The following PRKG1 variants were observed in gnomAD, a reference collection of about 807,000 sequenced individuals.
PRKG1 encodes protein kinase cGMP-dependent 1, also known as cGMP-dependent protein kinase 1.
A neutral mutation model predicts 88.1 loss-of-function variants in PRKG1; 35 were observed. That is an observed-to-expected ratio of 0.40 (90% CI 0.30 to 0.53). The LOEUF is 0.53. Ranked by LOEUF, PRKG1 falls within the 20% of genes least tolerant of loss-of-function variation. The probability of loss-of-function intolerance (pLI) is 0.59; values close to 1 mark genes in which losing one functional copy is unlikely to be tolerated. For missense variants in PRKG1, 540 were observed against 839.8 expected (o/e 0.64, Z 4.41); for synonymous variants, 303 against 292.5 (o/e 1.04, Z -0.37).
intron 4 of PRKG1, among the ~76,000 whole-genome samples, chr10:51,905,447 G>T (rs1270787324): frequency 6.6e-6 from 1 of 152,100 alleles, no homozygotes; most frequent in East Asian, 1.9e-4. Context: ...CCAAAATTAT[G>T]CTGTAAGTCA....
chr10:51,139,981 G>T (rs10995837), intron 1 of PRKG1, among the ~76,000 whole-genome samples: 33 of 152,138 alleles, frequency 2.2e-4, no homozygotes, highest in African/African-American at 7.9e-4. Context: ...CTTATGTCTC[G>T]AAATTGACCT....
intron 3 of PRKG1, among the ~76,000 whole-genome samples, chr10:51,661,972 C>T (rs1346427196): frequency 6.6e-6 from 1 of 152,088 alleles, no homozygotes; most frequent in African/African-American, 2.4e-5. Context: ...CAAACTATTG[C>T]AATGACAGAA....
chr10:51,863,740 C>G (rs1055296909), intron 4 of PRKG1, among the ~76,000 whole-genome samples: 1 of 152,134 alleles, frequency 6.6e-6, no homozygotes, highest in Non-Finnish European at 1.5e-5. Context: ...TCTCAACCTC[C>G]AGAATTGTAA....
At chr10:51,521,124 TA>T (rs1356393736) in intron 3 of PRKG1, among the ~76,000 whole-genome samples, 1 of 152,104 alleles carries the variant, frequency 6.6e-6, no homozygotes, top group Non-Finnish European at 1.5e-5. Context: ...CTGTCTCTAC[TA>T]AAAATACAAA....
intron 1 of PRKG1, among the ~76,000 whole-genome samples, chr10:50,997,192 C>T (rs1474482957): frequency 6.6e-6 from 1 of 152,082 alleles, no homozygotes; most frequent in Non-Finnish European, 1.5e-5. Context: ...TATTTTGCAT[C>T]GGTACCAGAG....
chr10:51,884,881 C>T (rs1406966497), intron 4 of PRKG1, among the ~76,000 whole-genome samples: 2 of 152,162 alleles, frequency 1.3e-5, no homozygotes, highest in African/African-American at 2.4e-5. Flanking sequence ...TTAGCCTCCA[C>T]CTCTTCGTAG....
At chr10:51,314,194 C>T (rs1841263131) in intron 2 of PRKG1, among the ~76,000 whole-genome samples, 1 of 152,194 alleles carries the variant, frequency 6.6e-6, no homozygotes. Context: ...CGTCATGGTA[C>T]AGCCAGGGCT....
chr10:51,393,583 A>T (rs1837498692), intron 2 of PRKG1, among the ~76,000 whole-genome samples: 1 of 152,236 alleles, frequency 6.6e-6, no homozygotes, highest in Admixed American at 6.5e-5. Context: ...TTATCTACAG[A>T]AATATGAATG....
At chr10:51,895,947 A>G (rs1006254439) in intron 4 of PRKG1, among the ~76,000 whole-genome samples, 4 of 152,086 alleles carry the variant, frequency 2.6e-5, no homozygotes, top group Non-Finnish European at 5.9e-5. Context: ...ACACAAAAGC[A>G]GAGAGCCATT....
At chr10:51,909,370 T>C (rs1334176539) in intron 5 of PRKG1, 3 of 151,954 alleles carry the variant, frequency 2.0e-5, no homozygotes, top group Non-Finnish European at 4.4e-5. Context: ...GGCAGAACCC[T>C]GAAGGAGGGA....
At position 52,295,289 on chromosome 10, in the gene PRKG1, T is replaced by A. The variant is rs911294379; in HGVS notation, c.*1389T>A. 6.6e-5 allele frequency: 10 copies of A among 152,072 alleles called. No individual in the cohort carries two copies. Among genetic ancestry groups the A allele is most frequent in the African/African-American group, 2.4e-4 (10 of 41,436 alleles). 9.4% of individuals were successfully genotyped at this position (152,072 alleles called of 1,614,324 possible). A position where few individuals can be genotyped will look rare whatever the true frequency, so the allele number is the denominator to read the frequency against. On this transcript the variant is annotated 3_prime_UTR_variant, in exon 18 of 18. Transcript: ENST00000373980. ...TGAATAAGCTGAGTCCATATACTTG[T>A]CTAACTAAGAAAGCAGTACAGAGGA...
At chr10:52,083,584 T>C (rs1846834341) in intron 7 of PRKG1, among the ~76,000 whole-genome samples, 1 of 152,098 alleles carries the variant, frequency 6.6e-6, no homozygotes, top group Admixed American at 6.6e-5. Flanking sequence ...TTAAAAATGA[T>C]TAGTCAGGAA....
intron 2 of PRKG1, among the ~76,000 whole-genome samples, chr10:51,319,289 A>G (rs930348825): frequency 6.6e-5 from 10 of 152,316 alleles, no homozygotes; most frequent in African/African-American, 2.4e-4. Flanking sequence ...ACCAAGCTCT[A>G]TTCCTCCAGG....
intron 9 of PRKG1, among the ~76,000 whole-genome samples, chr10:52,203,620 G>A (rs1035792521): frequency 6.6e-6 from 1 of 152,178 alleles, no homozygotes; most frequent in Non-Finnish European, 1.5e-5. Flanking sequence ...GTGTGTAGAA[G>A]TCTCCCACTA....
intron 5 of PRKG1, among the ~76,000 whole-genome samples, chr10:52,037,265 C>T (rs993894537): frequency 5.3e-5 from 8 of 152,126 alleles, no homozygotes; most frequent in South Asian, 2.1e-4. Flanking sequence ...GGAGCCTGGC[C>T]GCTGCGGTTC....
intron 1 of PRKG1, among the ~76,000 whole-genome samples, chr10:51,022,984 C>T (rs1353668166): frequency 6.6e-6 from 1 of 152,024 alleles, no homozygotes; most frequent in African/African-American, 2.4e-5. Flanking sequence ...GCGACAATAG[C>T]GAAGCTCCGT....
intron 2 of PRKG1, among the ~76,000 whole-genome samples, chr10:51,351,574 A>G (rs917438321): frequency 6.6e-6 from 1 of 152,040 alleles, no homozygotes; most frequent in South Asian, 2.1e-4. Context: ...GTGTCTCTTC[A>G]TATCCTTTGC....
intron 3 of PRKG1, chr10:51,698,875 A>C: frequency 1.2e-6 from 2 of 1,614,026 alleles, no homozygotes; most frequent in South Asian, 2.2e-5. Flanking sequence ...GCAGAACATT[A>C]GGTCCTGGGC....
chr10:51,050,480 G>A (rs1344170231), intron 1 of PRKG1, among the ~76,000 whole-genome samples: 1 of 151,940 alleles, frequency 6.6e-6, no homozygotes, highest in Non-Finnish European at 1.5e-5. Flanking sequence ...CCATGTTGTT[G>A]CAATGCATTT....
Sources: gnomAD v4.1 joint callset for allele counts (sites outside exome capture counted in the v4.1 genomes callset) on GRCh38, gnomAD v4.1.1 for gene constraint, MANE v1.5 for transcripts, NCBI Gene and HGNC (gene_info 2026-07-23, HGNC 2026-07-21) for gene names.